Variants in SDK1 observed in about 807,000 individuals in gnomAD.
SDK1 encodes sidekick cell adhesion molecule 1, also known as protein sidekick-1.
A neutral mutation model predicts 245.5 loss-of-function variants in SDK1; 157 were observed. The observed-to-expected ratio is 0.64, with a 90% CI of 0.56 to 0.73. SDK1 has a LOEUF of 0.73. Ranked by LOEUF, SDK1 falls within the 30% of genes least tolerant of loss-of-function variation. SDK1 has a pLI of 0.00. For synonymous variants in SDK1, 1,647 were observed against 1,278.5 expected (o/e 1.29, Z -6.15); for missense variants, 3,583 against 3,002.3 (o/e 1.19, Z -4.52).
intron 35 of SDK1, among the ~76,000 whole-genome samples, chr7:4,187,304 G>C (rs1782953696): frequency 6.6e-6 from 1 of 152,188 alleles, no homozygotes; most frequent in South Asian, 2.1e-4. Flanking sequence ...TATGGGTCCA[G>C]CACCTTGCTA....
intron 1 of SDK1, among the ~76,000 whole-genome samples, chr7:3,491,276 C>G (rs1781856307): frequency 1.3e-5 from 2 of 152,318 alleles, no homozygotes; most frequent in Middle Eastern, 3.4e-3. Context: ...TTGTAATCAC[C>G]TGAGGGTGCT....
chr7:4,004,566 C>A (rs1345980575), intron 14 of SDK1, among the ~76,000 whole-genome samples: 2 of 152,158 alleles, frequency 1.3e-5, no homozygotes, highest in Non-Finnish European at 2.9e-5. Context: ...TAGACACTTT[C>A]TAAGAACTTT....
intron 1 of SDK1, among the ~76,000 whole-genome samples, chr7:3,380,266 T>G (rs1781453518): frequency 6.6e-6 from 1 of 152,214 alleles, no homozygotes; most frequent in Admixed American, 6.5e-5. Flanking sequence ...AAATGGCCTG[T>G]GATTGGTGAC....
chr7:4,140,881 C>T (rs1779537899), intron 28 of SDK1, among the ~76,000 whole-genome samples: 1 of 152,144 alleles, frequency 6.6e-6, no homozygotes, highest in Non-Finnish European at 1.5e-5. Flanking sequence ...GCAGAAGGAT[C>T]GCTTGAGCCG....
At chr7:3,743,535 C>G (rs147948632) in intron 4 of SDK1, among the ~76,000 whole-genome samples, 5 of 152,074 alleles carry the variant, frequency 3.3e-5, no homozygotes, top group African/African-American at 4.8e-5. Context: ...GCACTTATAC[C>G]CTCCAGACCT....
intron 1 of SDK1, among the ~76,000 whole-genome samples, chr7:3,564,045 A>C (rs1583170364): frequency 6.6e-6 from 1 of 152,164 alleles, no homozygotes; most frequent in Non-Finnish European, 1.5e-5. Flanking sequence ...TAGTTCAAGC[A>C]GTACTTAAAA....
intron 5 of SDK1, among the ~76,000 whole-genome samples, chr7:3,844,465 G>C (rs554937856): frequency 6.6e-6 from 1 of 152,298 alleles, no homozygotes; most frequent in East Asian, 1.9e-4. Context: ...TCAGCTGGAT[G>C]GGCCTTGGAT....
chr7:3,446,497 A>G (rs1780345783), intron 1 of SDK1, among the ~76,000 whole-genome samples: 1 of 152,134 alleles, frequency 6.6e-6, no homozygotes, highest in East Asian at 1.9e-4. Context: ...TTTGACTTTG[A>G]GTAGAATCTT....
rs758591509 is a variant in SDK1 at position 4,012,135 on chromosome 7, A to C, written c.2320A>C (p.Asn774His). The change falls in exon 16 of 45, where the codon AAT becomes CAT. Residue 774 changes from asparagine to histidine, a missense_variant. Physicochemically the swap from Asn to His is moderately conservative, Grantham distance 68. Coordinates refer to ENST00000404826, the MANE Select transcript of SDK1 (RefSeq NM_152744.4). ...AGAACCACCCAGTGCTCCCCCGAAAAATATAGTGGCCAGTGGGCGGACTAA... is the reference window on the plus strand; with the variant it reads ...AGAACCACCCAGTGCTCCCCCGAAACATATAGTGGCCAGTGGGCGGACTAA... ...PEEPPSAPPK[N>H]IVASGRTNQS... 5.1e-6 allele frequency: 8 copies of C among 1,576,640 alleles called. No homozygotes were observed. In the Middle Eastern group the frequency reaches 1.2e-3, roughly 230 times the overall value.
intron 13 of SDK1, among the ~76,000 whole-genome samples, chr7:3,978,603 T>G (rs1783151154): frequency 6.6e-6 from 1 of 152,160 alleles, no homozygotes; most frequent in Non-Finnish European, 1.5e-5. Context: ...TGGGGTGTCT[T>G]TAGATCCAAC....
chr7:3,396,235 C>T (rs1303209185), intron 1 of SDK1, among the ~76,000 whole-genome samples: 2 of 151,756 alleles, frequency 1.3e-5, no homozygotes, highest in Non-Finnish European at 2.9e-5. Flanking sequence ...TTAGAAATAA[C>T]TGCATTATTG....
chr7:4,106,158 C>T (rs186041500), intron 22 of SDK1, among the ~76,000 whole-genome samples: 3 of 152,298 alleles, frequency 2.0e-5, no homozygotes, highest in South Asian at 2.1e-4. Flanking sequence ...ACCAGACACT[C>T]GCTGCTCAGA....
At chr7:3,913,599 C>A (rs1170653603) in intron 5 of SDK1, among the ~76,000 whole-genome samples, 3 of 152,058 alleles carry the variant, frequency 2.0e-5, no homozygotes, top group Non-Finnish European at 2.9e-5. Context: ...GGCCCTGTTA[C>A]ACTTATCTTT....
intron 40 of SDK1, among the ~76,000 whole-genome samples, chr7:4,223,495 G>A (rs1785252858): frequency 6.6e-6 from 1 of 152,180 alleles, no homozygotes; most frequent in Non-Finnish European, 1.5e-5. Flanking sequence ...CCCACTTCTG[G>A]TGATTACAGG....
chr7:4,145,839 T>C lies in SDK1; in HGVS notation c.4346T>C (p.Ile1449Thr), dbSNP rs1224637300. 1 of 1,613,432 alleles carries C rather than the reference T, an allele frequency of 6.2e-7. No homozygotes were observed. The highest frequency in any genetic ancestry group is 1.1e-5 in the South Asian group (1 of 91,036). The change falls in exon 29 of 45, where the codon ATC (isoleucine) becomes ACC (threonine). Residue 1449 changes from isoleucine to threonine, a missense_variant. Transcript: ENST00000404826. ...ATDLAPESAY[I>T]FRLSAKTRQG... is the part of the protein sequence containing the mutation. ...GACCTGGCCCCGGAGTCCGCATACA[T>C]CTTCAGGCTGTCCGCCAAGACGAGG...
chr7:3,563,434 G>T (rs1779812331), intron 1 of SDK1, among the ~76,000 whole-genome samples: 1 of 152,206 alleles, frequency 6.6e-6, no homozygotes, highest in Middle Eastern at 3.4e-3. Flanking sequence ...TGAACCAACA[G>T]AAAGCAGTGG....
intron 1 of SDK1, among the ~76,000 whole-genome samples, chr7:3,380,666 T>C (rs1781464055): frequency 1.3e-5 from 2 of 152,214 alleles, no homozygotes; most frequent in African/African-American, 4.8e-5. Context: ...AGGGGAGCTA[T>C]GTCATTAAGG....
intron 1 of SDK1, among the ~76,000 whole-genome samples, chr7:3,346,807 G>GTATATATA (rs778210658): frequency 7.1e-5 from 3 of 42,252 alleles, no homozygotes. Flanking sequence ...GTGTGTGTGT[G>GTATATATA]TATATATATA....
intron 4 of SDK1, among the ~76,000 whole-genome samples, chr7:3,820,747 G>T (rs1392159373): frequency 3.9e-5 from 6 of 152,196 alleles, no homozygotes. Flanking sequence ...AGCCTCAGTG[G>T]CGCAGAGAAA....
Sources: allele counts gnomAD v4.1 joint callset (sites outside exome capture counted in the v4.1 genomes callset), GRCh38; gene constraint gnomAD v4.1.1; transcripts MANE v1.5; gene names NCBI Gene and HGNC (gene_info 2026-07-23, HGNC 2026-07-21).